The following WDFY3 variants were observed in gnomAD, a reference collection of about 807,000 sequenced individuals.
WDFY3 encodes WD repeat and FYVE domain-containing protein 3.
A neutral mutation model predicts 409.6 loss-of-function variants in WDFY3; 66 were observed. That is an observed-to-expected ratio of 0.16 (90% confidence interval 0.13 to 0.20). WDFY3 has a LOEUF of 0.20. Among genes scored for constraint, WDFY3 ranks in the 10% least tolerant of loss-of-function variants. The probability of loss-of-function intolerance (pLI) is 1.00; values close to 1 mark genes in which losing one functional copy is unlikely to be tolerated. For synonymous variants in WDFY3, 1,521 were observed against 1,537.1 expected, an observed-to-expected ratio of 0.99 and a Z score of 0.25; for missense variants, 3,031 against 4,298.1, an observed-to-expected ratio of 0.71 and a Z score of 8.24.
At chr4:84,675,514 G>C (rs1726120111) in intron 67 of WDFY3, among the ~76,000 whole-genome samples, 1 of 152,126 alleles carries the variant, frequency 6.6e-6, no homozygotes, top group African/African-American at 2.4e-5. Flanking sequence ...AAGAGGACTG[G>C]TCTTCTTACC....
chr4:84,874,616 T>C (rs1295409107), intron 3 of WDFY3, among the ~76,000 whole-genome samples: 1 of 152,132 alleles, frequency 6.6e-6, no homozygotes, highest in Non-Finnish European at 1.5e-5. Context: ...ATGTATTATG[T>C]ATATTGTTTT....
chr4:84,799,889 C>T (rs988126851), intron 17 of WDFY3, among the ~76,000 whole-genome samples: 2 of 152,114 alleles, frequency 1.3e-5, no homozygotes, highest in African/African-American at 4.8e-5. Flanking sequence ...ACTGACCATA[C>T]CCAATGGTTG....
At chr4:84,682,535 C>T in intron 63 of WDFY3, 65 bp from the exon 64 acceptor site, 1 of 1,255,532 alleles carries the variant, frequency 8.0e-7, no homozygotes, top group Non-Finnish European at 1.1e-6. Flanking sequence ...ATTTACATTA[C>T]TCAATGAAGA....
chr4:84,777,171 G>A (rs749609423), intron 27 of WDFY3, among the ~76,000 whole-genome samples: 57 of 152,022 alleles, frequency 3.7e-4, no homozygotes, highest in South Asian at 2.1e-4. Context: ...GGAGAGGGAT[G>A]CTAAGTTCAG....
At chr4:84,962,433 G>A (rs1458916986) in intron 1 of WDFY3, among the ~76,000 whole-genome samples, 1 of 152,112 alleles carries the variant, frequency 6.6e-6, no homozygotes, top group African/African-American at 2.4e-5. Flanking sequence ...TATGCCAGAC[G>A]AGATAAAACT....
At chr4:84,863,071 T>A (rs751907313) in intron 3 of WDFY3, among the ~76,000 whole-genome samples, 1 of 152,236 alleles carries the variant, frequency 6.6e-6, no homozygotes, top group Non-Finnish European at 1.5e-5. Flanking sequence ...TATTCCACTC[T>A]GTGTGCTGCA....
chr4:84,680,848 C>A (rs1727232148), intron 64 of WDFY3, among the ~76,000 whole-genome samples: 1 of 152,122 alleles, frequency 6.6e-6, no homozygotes, highest in Admixed American at 6.6e-5. Context: ...CTACATACAC[C>A]ATTTTATATC....
chr4:84,893,814 G>A (rs1274579964), intron 3 of WDFY3, among the ~76,000 whole-genome samples: 9 of 151,946 alleles, frequency 5.9e-5, no homozygotes, highest in Admixed American at 1.3e-4. Context: ...GTGAAACCTC[G>A]TCTCTACTAA....
At chr4:84,797,374 G>A (rs949953305) in intron 18 of WDFY3, among the ~76,000 whole-genome samples, 4 of 151,778 alleles carry the variant, frequency 2.6e-5, no homozygotes, top group Non-Finnish European at 5.9e-5. Flanking sequence ...ATCTCTCCAG[G>A]GACACATTAC....
chr4:84,696,223 A>G (rs1730116060), intron 57 of WDFY3, 41 bp from the exon 58 acceptor site: 2 of 1,592,598 alleles, frequency 1.3e-6, no homozygotes, highest in Admixed American at 1.7e-5. Context: ...GCTGACTTCT[A>G]TTACTTGCTC....
At chr4:84,821,718 T>C (rs1395041412) in intron 10 of WDFY3, among the ~76,000 whole-genome samples, 167 bp from the exon 11 acceptor site, 1 of 152,210 alleles carries the variant, frequency 6.6e-6, no homozygotes, top group African/African-American at 2.4e-5. Flanking sequence ...GTTCAAATCA[T>C]TTAATTAAAA....
intron 2 of WDFY3, among the ~76,000 whole-genome samples, chr4:84,931,539 G>T (rs957100433): frequency 7.2e-5 from 11 of 152,176 alleles, no homozygotes. Context: ...GAGACACTCT[G>T]CTGAGAGCCT....
At chr4:84,877,902 A>G (rs1308113316) in intron 3 of WDFY3, among the ~76,000 whole-genome samples, 1 of 152,258 alleles carries the variant, frequency 6.6e-6, no homozygotes, top group Non-Finnish European at 1.5e-5. Flanking sequence ...CTCAAGGACT[A>G]GTTAAGGTGA....
At position 84,791,185 on chromosome 4, in the gene WDFY3, A is replaced by T. The variant is rs1748456119; in HGVS notation, c.3488-1278T>A. Among the ~76,000 whole-genome samples the T allele has an allele frequency of 2.6e-5, 4 of 152,246 alleles. No individual in the cohort carries two copies. The South Asian group carries it at 8.3e-4, about 31-fold the overall frequency. ...CCTGGACAGATGAGTAGATAAAGAA[A>T]ATGTGGTACATATATACAATGGAAT... On this transcript the variant is annotated intron_variant, in intron 21 of 67. Transcript: ENST00000295888.
At chr4:84,860,272 A>C (rs1760422003) in intron 4 of WDFY3, 140 bp downstream of exon 4, 1 of 975,386 alleles carries the variant, frequency 1.0e-6, no homozygotes, top group African/African-American at 1.6e-5. Context: ...TAGCAAATTG[A>C]AAACATGAAA....
chr4:84,764,484 T>C (rs977001666), intron 32 of WDFY3, among the ~76,000 whole-genome samples: 1 of 152,210 alleles, frequency 6.6e-6, no homozygotes, highest in African/African-American at 2.4e-5. Flanking sequence ...GGAAATGATA[T>C]TACTTTTCCT....
intron 61 of WDFY3, among the ~76,000 whole-genome samples, chr4:84,689,248 C>T (rs1728845959): frequency 6.6e-6 from 1 of 152,066 alleles, no homozygotes. Context: ...TCTGTGTATA[C>T]ACATGAAGTA....
intron 37 of WDFY3, 145 bp from the exon 38 acceptor site, chr4:84,742,066 A>C: frequency 1.5e-6 from 1 of 666,480 alleles, no homozygotes; most frequent in Non-Finnish European, 2.3e-6. Context: ...GCACTACTTG[A>C]AGAAAATGAC....
At chr4:84,887,917 C>A (rs1764441085) in intron 3 of WDFY3, among the ~76,000 whole-genome samples, 6 of 152,036 alleles carry the variant, frequency 3.9e-5, no homozygotes. Context: ...GTATTTTTGT[C>A]CCCAAGAATT....
Sources: gnomAD v4.1 joint callset for allele counts (sites outside exome capture counted in the v4.1 genomes callset) on GRCh38, gnomAD v4.1.1 for gene constraint, MANE v1.5 for transcripts, NCBI Gene and HGNC (gene_info 2026-07-23, HGNC 2026-07-21) for gene names.